Variants in ELP4 observed in about 807,000 individuals in gnomAD.
The protein encoded by ELP4 is elongator acetyltransferase complex subunit 4.
ELP4 carries 51 observed loss-of-function variants against 48.9 expected under a neutral mutation model. The observed-to-expected ratio is 1.04, with a 90% CI of 0.83 to 1.32. The LOEUF is 1.32. Among genes scored for constraint, ELP4 ranks in the 40% most tolerant of loss-of-function variants. The pLI, the probability that ELP4 is intolerant of heterozygous loss-of-function variation, is 0.00. For synonymous variants in ELP4, 210 were observed against 189.2 expected (o/e 1.11, Z -0.90); for missense variants, 519 against 514.6 (o/e 1.01, Z -0.08).
chr11:31,595,828 A>G (rs1957661368), intron 4 of ELP4, among the ~76,000 whole-genome samples: 1 of 152,222 alleles, frequency 6.6e-6, no homozygotes, highest in South Asian at 2.1e-4. Context: ...AGCTCGCAAT[A>G]TGAAATACAA....
intron 5 of ELP4, among the ~76,000 whole-genome samples, chr11:31,613,419 G>A (rs72892580): frequency 2.6e-5 from 4 of 152,196 alleles, no homozygotes; most frequent in Non-Finnish European, 4.4e-5. Context: ...TATTTGAAAG[G>A]CTGTGAGGGA....
At chr11:31,764,920 A>C (rs1365437021) in intron 9 of ELP4, among the ~76,000 whole-genome samples, 2 of 152,192 alleles carry the variant, frequency 1.3e-5, no homozygotes, top group African/African-American at 2.4e-5. Context: ...GTTTTAGTCC[A>C]TTTCTGAAAC....
chr11:31,548,525 A>G (rs1169787642), intron 3 of ELP4, among the ~76,000 whole-genome samples: 2 of 152,192 alleles, frequency 1.3e-5, no homozygotes, highest in Non-Finnish European at 2.9e-5. Flanking sequence ...GCTCATGGGT[A>G]GGAAGAATCA....
intron 3 of ELP4, among the ~76,000 whole-genome samples, chr11:31,575,854 C>T (rs968769949): frequency 2.0e-5 from 3 of 152,146 alleles, no homozygotes; most frequent in African/African-American, 7.2e-5. Context: ...TTGTAAAGAC[C>T]ACCAATGCTA....
At chr11:31,561,270 C>G (rs1186482514) in intron 3 of ELP4, among the ~76,000 whole-genome samples, 1 of 152,044 alleles carries the variant, frequency 6.6e-6, no homozygotes, top group Non-Finnish European at 1.5e-5. Flanking sequence ...TAAACATTGA[C>G]AGCATTTAAT....
chr11:31,512,862 A>G (rs900352692), intron 1 of ELP4, among the ~76,000 whole-genome samples: 1 of 148,292 alleles, frequency 6.7e-6, no homozygotes, highest in African/African-American at 2.5e-5. Context: ...ATAGAACCAT[A>G]TATCTAACCT....
intron 3 of ELP4, among the ~76,000 whole-genome samples, chr11:31,544,525 A>G (rs1310645829): frequency 6.6e-6 from 1 of 152,232 alleles, no homozygotes; most frequent in Non-Finnish European, 1.5e-5. Context: ...AGACCACCAC[A>G]GCTCAAGGAG....
chr11:31,590,216 T>C (rs551610289), intron 3 of ELP4, among the ~76,000 whole-genome samples: 2 of 152,312 alleles, frequency 1.3e-5, no homozygotes, highest in East Asian at 1.9e-4. Context: ...CTAAAGCACT[T>C]AGAACTGCCC....
intron 9 of ELP4, among the ~76,000 whole-genome samples, chr11:31,746,925 AAAAT>A (rs145233955): frequency 0.3 from 46,105 of 151,794 alleles, 7,616 homozygotes; most frequent in African/African-American, 0.44. Context: ...AAAAAAATAA[AAAAT>A]AAAACAAATT....
intron 9 of ELP4, among the ~76,000 whole-genome samples, chr11:31,716,717 G>A (rs1384929403): frequency 6.6e-6 from 1 of 152,142 alleles, no homozygotes; most frequent in Admixed American, 6.6e-5. Context: ...TCAAGTACCT[G>A]CAATGTACCT....
At position 31,548,573 on chromosome 11, in the gene ELP4, T is replaced by C. The variant is rs150600116; in HGVS notation, c.381+8790T>C. 6.7e-3 allele frequency among the ~76,000 whole-genome samples: 1,027 copies of C among 152,286 alleles called. 9 individuals carry two copies. Among genetic ancestry groups the C allele is most frequent in the African/African-American group, 0.022 (929 of 41,568 alleles). On this transcript the variant is annotated intron_variant, in intron 3 of 9. Transcript: ENST00000640961. Reference sequence around the variant, plus strand: ...TGGCCATACTGCCCAAGGTAATTTATAGATTCAGTGCCATCCCTATCAAGC... The same window carrying C: ...TGGCCATACTGCCCAAGGTAATTTACAGATTCAGTGCCATCCCTATCAAGC...
chr11:31,771,795 C>A (rs540887057), intron 9 of ELP4, among the ~76,000 whole-genome samples: 5 of 152,122 alleles, frequency 3.3e-5, no homozygotes, highest in Admixed American at 6.6e-5. Context: ...CTGGCTAACA[C>A]AGTGAAACCC....
intron 9 of ELP4, among the ~76,000 whole-genome samples, chr11:31,716,010 G>T (rs896636012): frequency 6.6e-6 from 1 of 151,452 alleles, no homozygotes; most frequent in African/African-American, 2.4e-5. Flanking sequence ...GTACAAGGAG[G>T]TTTGTTTGTT....
chr11:31,683,895 G>T (rs1946107343), intron 9 of ELP4, among the ~76,000 whole-genome samples: 1 of 152,146 alleles, frequency 6.6e-6, no homozygotes, highest in African/African-American at 2.4e-5. Flanking sequence ...ACAGACTTCA[G>T]CCGTAGGAAA....
chr11:31,744,549 G>A (rs1236698884), intron 9 of ELP4, among the ~76,000 whole-genome samples: 2 of 152,190 alleles, frequency 1.3e-5, no homozygotes, highest in Non-Finnish European at 2.9e-5. Context: ...CCATGATCAA[G>A]TGGGCTTCAT....
chr11:31,758,785 G>A lies in ELP4; in HGVS notation c.1144-24608G>A, dbSNP rs571989194. Among the ~76,000 whole-genome samples, 4 of 151,094 alleles carry A rather than the reference G, an allele frequency of 2.6e-5. No homozygotes were observed. In the South Asian group the frequency reaches 8.4e-4, roughly 32 times the overall value. On this transcript the variant is annotated intron_variant, in intron 9 of 9. Transcript: ENST00000640961. The stretch of plus-strand genomic sequence containing the variant: ...AGGTTCAAGCAGTTCTCCCACCTCA[G>A]CCTCCCAAATAAGCTGAGACTACAA...
At chr11:31,581,641 A>G (rs1348723911) in intron 3 of ELP4, among the ~76,000 whole-genome samples, 1 of 152,136 alleles carries the variant, frequency 6.6e-6, no homozygotes, top group Non-Finnish European at 1.5e-5. Flanking sequence ...GTCTACTTCC[A>G]TTCAGAGTTT....
chr11:31,679,780 A>G (rs1031018961), intron 9 of ELP4, among the ~76,000 whole-genome samples: 12 of 152,268 alleles, frequency 7.9e-5, no homozygotes, highest in South Asian at 2.1e-4. Flanking sequence ...TTGCCTTTCC[A>G]TATAAGCTTT....
intron 3 of ELP4, among the ~76,000 whole-genome samples, chr11:31,571,275 C>T (rs1327717727): frequency 6.6e-6 from 1 of 152,214 alleles, no homozygotes; most frequent in East Asian, 1.9e-4. Flanking sequence ...AGCGCCTTCA[C>T]CAGGAGTAGA....
Sources: gnomAD v4.1 joint callset for allele counts (sites outside exome capture counted in the v4.1 genomes callset) on GRCh38, gnomAD v4.1.1 for gene constraint, MANE v1.5 for transcripts, NCBI Gene and HGNC (gene_info 2026-07-23, HGNC 2026-07-21) for gene names.